Variants in CENPE observed in about 807,000 individuals in gnomAD.
The protein encoded by CENPE is centromere protein E.
Under a neutral mutation model 336.1 loss-of-function variants are expected in CENPE, and 145 were observed. That is an observed-to-expected ratio of 0.43 (90% confidence interval 0.38 to 0.50). The LOEUF (loss-of-function observed/expected upper bound fraction) is 0.50. Ranked by LOEUF, CENPE falls within the 20% of genes least tolerant of loss-of-function variation. CENPE has a pLI of 0.00. For missense variants in CENPE, 2,719 were observed against 3,023.3 expected (o/e 0.90, Z 2.36); for synonymous variants, 1,013 against 984.8 (o/e 1.03, Z -0.54).
chr4:103,168,811 T>G (rs959609827), intron 16 of CENPE, among the ~76,000 whole-genome samples: 1 of 152,176 alleles, frequency 6.6e-6, no homozygotes, highest in East Asian at 1.9e-4. Context: ...CAGGATAACA[T>G]GGTGACCTCA....
chr4:103,115,780 G>C (rs1410552994), intron 45 of CENPE, among the ~76,000 whole-genome samples: 2 of 150,714 alleles, frequency 1.3e-5, no homozygotes, highest in African/African-American at 2.4e-5. Flanking sequence ...GCCCAGGCTG[G>C]AGTGCAGTGG....
intron 44 of CENPE, among the ~76,000 whole-genome samples, chr4:103,119,542 T>G (rs546248010): frequency 5.9e-5 from 9 of 152,354 alleles, no homozygotes; most frequent in African/African-American, 2.2e-4. Flanking sequence ...CAGGCATTCT[T>G]GACGTGTTCC....
At position 103,110,806 on chromosome 4, in the gene CENPE, G is replaced by A. The variant is rs768563700; in HGVS notation, c.7724+22C>T. 62 of 1,539,290 alleles carry A rather than the reference G, an allele frequency of 4.0e-5. No homozygotes were observed. In the South Asian group the frequency reaches 4.9e-4, roughly 12 times the overall value. On this transcript the variant is annotated intron_variant, in intron 47 of 48. Transcript: ENST00000265148. Reference sequence around the variant, plus strand: ...TGTAATAGCCGTAAGCATAATATCCGTATCATGTAAGCAGATCTTACCTTA... The same window carrying A: ...TGTAATAGCCGTAAGCATAATATCCATATCATGTAAGCAGATCTTACCTTA...
intron 11 of CENPE, among the ~76,000 whole-genome samples, chr4:103,182,507 T>C (rs1427587291): frequency 1.3e-5 from 2 of 152,176 alleles, no homozygotes; most frequent in African/African-American, 4.8e-5. Context: ...ATAAATTAAG[T>C]ACAAAAAGTG....
At chr4:103,171,809 C>T (rs966470594) in intron 16 of CENPE, among the ~76,000 whole-genome samples, 8 of 150,910 alleles carry the variant, frequency 5.3e-5, no homozygotes, top group African/African-American at 1.7e-4. Context: ...AAAAAGGAGA[C>T]ATTACAATTG....
chr4:103,181,131 T>C (rs896257858), intron 12 of CENPE, among the ~76,000 whole-genome samples: 6 of 152,124 alleles, frequency 3.9e-5, no homozygotes, highest in African/African-American at 1.4e-4. Context: ...AAACAAAATC[T>C]AAAATAATTT....
At chr4:103,180,174 T>C in intron 13 of CENPE, 137 bp downstream of exon 13, 2 of 659,698 alleles carry the variant, frequency 3.0e-6, no homozygotes, top group Non-Finnish European at 4.6e-6. Context: ...TCTTAGGTAC[T>C]ATGAAACACA....
intron 8 of CENPE, among the ~76,000 whole-genome samples, chr4:103,188,716 C>A (rs1434156146): frequency 6.6e-6 from 1 of 152,174 alleles, no homozygotes; most frequent in Non-Finnish European, 1.5e-5. Context: ...GACACCCTAA[C>A]ATCACAATTA....
At chr4:103,166,301 C>T (rs769685474) in intron 16 of CENPE, among the ~76,000 whole-genome samples, 20 of 152,214 alleles carry the variant, frequency 1.3e-4, no homozygotes, top group East Asian at 3.9e-4. Flanking sequence ...ATTGGATCTG[C>T]GGTAAGTTTA....
intron 40 of CENPE, among the ~76,000 whole-genome samples, chr4:103,135,506 T>A (rs1053637919): frequency 2.0e-5 from 3 of 152,236 alleles, no homozygotes; most frequent in Admixed American, 1.3e-4. Context: ...TATTTCGACC[T>A]ACTATTTTAA....
At chr4:103,125,424 C>T (rs538280926) in intron 42 of CENPE, among the ~76,000 whole-genome samples, 10 of 152,222 alleles carry the variant, frequency 6.6e-5, no homozygotes, top group South Asian at 4.2e-4. Flanking sequence ...ATACCAATCA[C>T]TGAAATGTAA....
At chr4:103,111,079 A>G in intron 46 of CENPE, 68 bp from the exon 47 acceptor site, 1 of 1,165,976 alleles carries the variant, frequency 8.6e-7, no homozygotes, top group South Asian at 1.6e-5. Flanking sequence ...TAAAGGAAAT[A>G]CTACCAAGTA....
chr4:103,112,458 TA>T (rs1034120361), intron 46 of CENPE, among the ~76,000 whole-genome samples: 1 of 145,130 alleles, frequency 6.9e-6, no homozygotes, highest in African/African-American at 2.5e-5. Context: ...TATATATACA[TA>T]TCTATACATA....
intron 24 of CENPE, among the ~76,000 whole-genome samples, chr4:103,154,799 A>G (rs1370921372): frequency 6.6e-6 from 1 of 152,214 alleles, no homozygotes; most frequent in Non-Finnish European, 1.5e-5. Flanking sequence ...TTATATAAGA[A>G]TAAGCTTACT....
At chr4:103,132,977 T>TATATATATATATATATATATATATATAA (rs1560610290) in intron 41 of CENPE, 81 bp from the exon 42 acceptor site, 1 of 192,786 alleles carries the variant, frequency 5.2e-6, no homozygotes, top group African/African-American at 2.5e-5. Flanking sequence ...TATATATATA[T>TATATATATATATATATATATATATATAA]ATATATAAAA....
chr4:103,140,003 T>A lies in CENPE; in HGVS notation c.5990A>T (p.Asn1997Ile), dbSNP rs762444293. 2 of 1,612,798 alleles carry A rather than the reference T, an allele frequency of 1.2e-6. No individual in the cohort carries two copies. The highest frequency in any genetic ancestry group is 1.7e-6 in the Non-Finnish European group (2 of 1,179,262). ...TTGCTTCTTCAACTGTTCCATTTCA[T>A]TAATTTTTTTATGACTCATATTGAC... ...EDVNMSHKKI[N>I]EMEQLKKQFE... The change falls in exon 38 of 49, where the codon AAT becomes ATT. Residue 1997 changes from asparagine (N) to isoleucine (I), a missense_variant. This residue lies in a region of CENPE where 2,437 missense variants were observed against 2,513.3 expected (regional missense o/e 0.97). Transcript: ENST00000265148.
At chr4:103,163,715 A>G (rs1434491431) in intron 16 of CENPE, among the ~76,000 whole-genome samples, 162 bp from the exon 17 acceptor site, 1 of 152,008 alleles carries the variant, frequency 6.6e-6, no homozygotes, top group Non-Finnish European at 1.5e-5. Flanking sequence ...CTATCGCAAC[A>G]AAGCACCTCA....
Position 103,194,698 on chromosome 4 carries a change from A to C in CENPE, c.478-14T>G, listed in dbSNP as rs1757610497. 1 of 1,576,928 alleles carries C rather than the reference A, an allele frequency of 6.3e-7. No individual in the cohort carries two copies. The highest frequency in any genetic ancestry group is 1.8e-5 in the Admixed American group (1 of 54,502). On this transcript the variant is annotated splice_polypyrimidine_tract_variant and intron_variant, in intron 5 of 48. Transcript: ENST00000265148. ...ATACACATTCCTCTGAAACAAGTTT[A>C]ATTATGGAAAGATTAGAGAAATAGA...
chr4:103,165,869 C>T (rs1754866587), intron 16 of CENPE, among the ~76,000 whole-genome samples: 1 of 142,620 alleles, frequency 7.0e-6, no homozygotes, highest in Non-Finnish European at 1.5e-5. Context: ...GAAAGCTGAG[C>T]TTTGTGTTTT....
Sources: allele counts gnomAD v4.1 joint callset (sites outside exome capture counted in the v4.1 genomes callset), GRCh38; gene constraint gnomAD v4.1.1; regional missense constraint gnomAD v4.1.1; transcripts MANE v1.5; gene names NCBI Gene and HGNC (gene_info 2026-07-23, HGNC 2026-07-21).